Variants in TMCO4 observed in about 807,000 individuals in gnomAD.
TMCO4 encodes transmembrane and coiled-coil domain-containing protein 4.
TMCO4 carries 58 observed loss-of-function variants against 64.7 expected under a neutral mutation model. The observed-to-expected ratio is 0.90, with a 90% confidence interval of 0.73 to 1.12. The LOEUF is 1.12. TMCO4 is among the 50% of genes most tolerant of loss of function. The probability of loss-of-function intolerance (pLI) is 0.00; values close to 1 mark genes in which losing one functional copy is unlikely to be tolerated. For synonymous variants in TMCO4, 325 were observed against 346.1 expected (o/e 0.94, Z 0.68); for missense variants, 780 against 825.9 (o/e 0.94, Z 0.68).
intron 7 of TMCO4, among the ~76,000 whole-genome samples, chr1:19,748,563 A>G (rs1326474989): frequency 6.6e-6 from 1 of 152,128 alleles, no homozygotes; most frequent in Non-Finnish European, 1.5e-5. Context: ...GGTGGCTCAC[A>G]CCTGTAAACC....
chr1:19,712,277 T>C (rs369087611), intron 13 of TMCO4, among the ~76,000 whole-genome samples: 1 of 152,158 alleles, frequency 6.6e-6, no homozygotes. Flanking sequence ...CCAAAACAAT[T>C]ACAATAGTAA....
At chr1:19,690,425 C>T (rs1430251142) in intron 15 of TMCO4, among the ~76,000 whole-genome samples, 3 of 152,248 alleles carry the variant, frequency 2.0e-5, no homozygotes, top group Non-Finnish European at 4.4e-5. Context: ...GTTGTGGGTA[C>T]CCCTGCCCAG....
chr1:19,755,736 A>C lies in TMCO4; in HGVS notation c.413T>G (p.Val138Gly). The change falls in exon 7 of 16, where the codon GTT becomes GGT. Residue 138 changes from valine (V) to glycine (G), a missense_variant. Val to Gly is a moderately radical substitution (Grantham distance 109). Transcript: ENST00000294543. ...TTGGAGCAGGGAGGTCATGTGGCAA[A>C]CGAGGACTCTGGCCCGGGCGTCATA... Reference protein sequence around the residue: ...GHYDARARVLVCHMTSLLQVP... With the variant: ...GHYDARARVLGCHMTSLLQVP... The C allele has an allele frequency of 6.2e-7, 1 of 1,614,068 alleles. No individual in the cohort carries two copies. Among genetic ancestry groups the C allele is most frequent in the Non-Finnish European group, 8.5e-7 (1 of 1,180,002 alleles).
intron 1 of TMCO4, among the ~76,000 whole-genome samples, chr1:19,798,714 C>G (rs778550152): frequency 3.9e-5 from 6 of 152,210 alleles, no homozygotes; most frequent in Non-Finnish European, 7.3e-5. Flanking sequence ...TGCCAGTGGT[C>G]TCCCCTGTGC....
chr1:19,710,036 C>T (rs1014324685), intron 13 of TMCO4, among the ~76,000 whole-genome samples: 1 of 152,018 alleles, frequency 6.6e-6, no homozygotes, highest in African/African-American at 2.4e-5. Context: ...CCGCTTCAGC[C>T]TCCCAAAGTG....
At chr1:19,759,101 C>CA (rs1163885215) in intron 6 of TMCO4, among the ~76,000 whole-genome samples, 626 of 21,052 alleles carry the variant, frequency 0.03, 41 homozygotes, top group South Asian at 0.046. Flanking sequence ...GACTCGGTCT[C>CA]AAAAAAAAAA....
chr1:19,704,525 C>G (rs1404660803), intron 13 of TMCO4, among the ~76,000 whole-genome samples: 1 of 152,222 alleles, frequency 6.6e-6, no homozygotes, highest in Admixed American at 6.5e-5. Context: ...ACAACGTGCA[C>G]AGTGATCATA....
At position 19,745,617 on chromosome 1, in the gene TMCO4, T is replaced by C; in HGVS notation, c.792A>G (p.Glu264=). The C allele has an allele frequency of 6.2e-7, 1 of 1,613,752 alleles. No homozygotes were observed. Among genetic ancestry groups the C allele is most frequent in the Non-Finnish European group, 8.5e-7 (1 of 1,179,768 alleles). The change falls in exon 10 of 16, where the codon GAA becomes GAG. Residue 264 remains glutamate, a synonymous_variant. Transcript: ENST00000294543. ...YKMKKRVGAI[E]EFTFLPLTEG... ...CCGTCAGAGGCAGAAACGTGAACTCTTCAATGGCTCCCACTCGCTTCTTCA... is the reference window on the plus strand; with the variant it reads ...CCGTCAGAGGCAGAAACGTGAACTCCTCAATGGCTCCCACTCGCTTCTTCA...
intron 7 of TMCO4, among the ~76,000 whole-genome samples, chr1:19,747,577 C>T (rs955215859): frequency 1.3e-5 from 2 of 151,850 alleles, no homozygotes; most frequent in African/African-American, 4.8e-5. Context: ...ACAGATGGAC[C>T]CAGAAGAAGC....
chr1:19,719,555 G>T (rs1274468837), intron 13 of TMCO4, among the ~76,000 whole-genome samples: 1 of 152,058 alleles, frequency 6.6e-6, no homozygotes, highest in Non-Finnish European at 1.5e-5. Flanking sequence ...TAGAGACAGG[G>T]TCTCCCTCTG....
At chr1:19,738,660 C>T (rs1276163845) in intron 12 of TMCO4, among the ~76,000 whole-genome samples, 4 of 152,286 alleles carry the variant, frequency 2.6e-5, no homozygotes, top group African/African-American at 4.8e-5. Context: ...TCAAGCCTGC[C>T]GAAGGATTTT....
At chr1:19,725,284 C>T (rs1383313371) in intron 13 of TMCO4, among the ~76,000 whole-genome samples, 1 of 152,096 alleles carries the variant, frequency 6.6e-6, no homozygotes, top group African/African-American at 2.4e-5. Flanking sequence ...ATGGACAGGC[C>T]CACAGGTCAC....
At chr1:19,702,296 A>AAAAAG (rs1394010901) in intron 13 of TMCO4, among the ~76,000 whole-genome samples, 1 of 151,596 alleles carries the variant, frequency 6.6e-6, no homozygotes, top group Non-Finnish European at 1.5e-5. Context: ...AAAAAAAAAA[A>AAAAAG]AAAAAAAAGT....
At chr1:19,716,359 AT>A (rs1198227750) in intron 13 of TMCO4, among the ~76,000 whole-genome samples, 3,127 of 107,550 alleles carry the variant, frequency 0.029, 118 homozygotes, top group African/African-American at 0.096. Context: ...ACGCCCGGCT[AT>A]TTTTTTTTTC....
chr1:19,760,891 C>T (rs1429770038), intron 6 of TMCO4, among the ~76,000 whole-genome samples: 1 of 152,248 alleles, frequency 6.6e-6, no homozygotes, highest in Non-Finnish European at 1.5e-5. Context: ...GGCTGGAACT[C>T]TGTTGGGAGA....
intron 1 of TMCO4, chr1:19,799,134 C>T (rs2044476668): frequency 6.6e-6 from 1 of 152,656 alleles, no homozygotes; most frequent in South Asian, 2.1e-4. Context: ...GTTTTTATCT[C>T]TTGCTTCCTA....
chr1:19,742,182 C>T (rs2095482565), intron 10 of TMCO4, among the ~76,000 whole-genome samples: 1 of 152,154 alleles, frequency 6.6e-6, no homozygotes, highest in African/African-American at 2.4e-5. Context: ...GGGAAGCCTT[C>T]CCGGCTCCTC....
intron 13 of TMCO4, among the ~76,000 whole-genome samples, chr1:19,706,845 T>G (rs2095305647): frequency 6.6e-6 from 1 of 152,230 alleles, no homozygotes; most frequent in Admixed American, 6.5e-5. Flanking sequence ...AGCTGATCAC[T>G]TTACATTCTC....
intron 6 of TMCO4, among the ~76,000 whole-genome samples, chr1:19,761,217 A>C: frequency 6.6e-6 from 1 of 152,058 alleles, no homozygotes; most frequent in East Asian, 1.9e-4. Flanking sequence ...CCTGACCGCC[A>C]CCCATTCCCC....
Sources: gnomAD v4.1 joint callset for allele counts (sites outside exome capture counted in the v4.1 genomes callset) on GRCh38, gnomAD v4.1.1 for gene constraint, MANE v1.5 for transcripts, NCBI Gene and HGNC (gene_info 2026-07-23, HGNC 2026-07-21) for gene names.